Variants in DENND1A observed in about 807,000 individuals in gnomAD.
DENND1A encodes the protein DENN domain containing 1A.
In DENND1A, 51 loss-of-function variants were observed where a neutral mutation model predicts 113.7. The ratio of observed to expected loss-of-function variants is 0.45; its 90% CI spans 0.36 to 0.57. DENND1A has a LOEUF of 0.57. Among genes scored for constraint, DENND1A ranks in the 20% least tolerant of loss-of-function variants. DENND1A has a pLI of 0.00. For synonymous variants in DENND1A, 565 were observed against 570.8 expected (o/e 0.99, Z 0.14); for missense variants, 1,258 against 1,395.9 (o/e 0.90, Z 1.57).
chr9:123,448,420 C>G (rs577254155), intron 18 of DENND1A, among the ~76,000 whole-genome samples: 4 of 152,144 alleles, frequency 2.6e-5, no homozygotes, highest in Admixed American at 2.6e-4. Context: ...GAGAGTGGAT[C>G]TGACCAATGA....
At chr9:123,857,650 C>T (rs1844417375) in intron 2 of DENND1A, among the ~76,000 whole-genome samples, 2 of 152,162 alleles carry the variant, frequency 1.3e-5, no homozygotes, top group African/African-American at 4.8e-5. Flanking sequence ...GATGCTCAAC[C>T]TAAACCTAAT....
chr9:123,860,978 T>A (rs999339885), intron 2 of DENND1A, among the ~76,000 whole-genome samples: 7 of 152,214 alleles, frequency 4.6e-5, no homozygotes, highest in African/African-American at 1.7e-4. Context: ...CCATGAAAAG[T>A]CTACAAAGGG....
chr9:123,767,151 A>G (rs1382958363), intron 4 of DENND1A, among the ~76,000 whole-genome samples: 1 of 152,222 alleles, frequency 6.6e-6, no homozygotes, highest in African/African-American at 2.4e-5. Context: ...AAATTAAGAC[A>G]TTGAAACCTT....
At chr9:123,411,140 C>G (rs1437759782) in intron 20 of DENND1A, among the ~76,000 whole-genome samples, 1 of 151,156 alleles carries the variant, frequency 6.6e-6, no homozygotes, top group African/African-American at 2.4e-5. Flanking sequence ...GTCACCCAGG[C>G]TGGAGTGCAG....
chr9:123,506,321 C>T (rs548931722), intron 13 of DENND1A, among the ~76,000 whole-genome samples: 80 of 152,252 alleles, frequency 5.3e-4, no homozygotes, highest in African/African-American at 1.8e-3. Context: ...CAGTGGCTCA[C>T]GCCTGTAATC....
intron 1 of DENND1A, among the ~76,000 whole-genome samples, chr9:123,916,302 G>T (rs1441535969): frequency 6.6e-6 from 1 of 150,906 alleles, no homozygotes; most frequent in Non-Finnish European, 1.5e-5. Context: ...GGGGCGAAAA[G>T]TATACATGGA....
chr9:123,545,158 C>G (rs925716335), intron 13 of DENND1A, among the ~76,000 whole-genome samples: 1 of 151,990 alleles, frequency 6.6e-6, no homozygotes, highest in Non-Finnish European at 1.5e-5. Flanking sequence ...TGAGCACCTT[C>G]TATGTATCAG....
intron 10 of DENND1A, among the ~76,000 whole-genome samples, chr9:123,621,704 C>T (rs550165999): frequency 2.0e-5 from 3 of 152,228 alleles, no homozygotes; most frequent in Admixed American, 6.5e-5. Flanking sequence ...CTGCTTCCGC[C>T]GCACCACACT....
chr9:123,818,394 G>A lies in DENND1A; in HGVS notation c.89-25764C>T, dbSNP rs558678753. 9.2e-5 allele frequency among the ~76,000 whole-genome samples: 14 copies of A among 151,976 alleles called. No individual in the cohort carries two copies. The East Asian group carries it at 2.5e-3, about 27-fold the overall frequency. ...GCTGGGATTACAGGCGTGAGCCACCGCACCTGGCCTATAGTATTGTTAATA... is the reference window on the plus strand; with the variant it reads ...GCTGGGATTACAGGCGTGAGCCACCACACCTGGCCTATAGTATTGTTAATA... On this transcript the variant is annotated intron_variant, in intron 2 of 23. Coordinates refer to ENST00000394215, the MANE Select transcript of DENND1A (RefSeq NM_001352964.2).
chr9:123,706,537 C>T (rs1164885624), intron 5 of DENND1A, among the ~76,000 whole-genome samples: 15 of 151,396 alleles, frequency 9.9e-5, no homozygotes, highest in African/African-American at 3.2e-4. Flanking sequence ...TTTGGGAGGC[C>T]GAGACGGGCG....
intron 8 of DENND1A, among the ~76,000 whole-genome samples, chr9:123,654,515 A>G (rs1309196674): frequency 6.6e-6 from 1 of 152,192 alleles, no homozygotes; most frequent in African/African-American, 2.4e-5. Context: ...AAAAATCACA[A>G]GGATACTTTT....
chr9:123,391,403 G>C (rs2042836416), intron 21 of DENND1A, among the ~76,000 whole-genome samples: 1 of 152,232 alleles, frequency 6.6e-6, no homozygotes, highest in African/African-American at 2.4e-5. Context: ...AATTTCTCAT[G>C]AATTCTTTAC....
chr9:123,621,901 T>C, intron 10 of DENND1A, among the ~76,000 whole-genome samples: 1 of 152,216 alleles, frequency 6.6e-6, no homozygotes, highest in Admixed American at 6.5e-5. Flanking sequence ...ATGTGGACTG[T>C]GCATCTTTTG....
In DENND1A at chr9:123,632,380, A is replaced by G. The variant is rs114684498; in HGVS notation, c.619-1904T>C. On this transcript the variant is annotated intron_variant, in intron 9 of 23. Transcript: ENST00000394215. ...ATATAAAGGAGGGTGATATAGATAT[A>G]TATATCTCACATACAAAAATACACA... Among the ~76,000 whole-genome samples, 492 of 152,306 alleles carry G rather than the reference A, an allele frequency of 3.2e-3. 4 individuals are homozygous for G. Among genetic ancestry groups the G allele is most frequent in the African/African-American group, 0.011 (474 of 41,544 alleles).
At chr9:123,708,060 T>C (rs1303027320) in intron 5 of DENND1A, among the ~76,000 whole-genome samples, 1 of 152,158 alleles carries the variant, frequency 6.6e-6, no homozygotes, top group African/African-American at 2.4e-5. Context: ...GGTGAAGTTG[T>C]AGGTGGGTGA....
At chr9:123,443,058 A>G (rs2047046413) in intron 18 of DENND1A, among the ~76,000 whole-genome samples, 1 of 152,160 alleles carries the variant, frequency 6.6e-6, no homozygotes, top group Non-Finnish European at 1.5e-5. Context: ...AGTTCCCACA[A>G]TGATCACAAG....
chr9:123,902,369 T>G (rs1490440589), intron 1 of DENND1A, among the ~76,000 whole-genome samples: 1 of 152,210 alleles, frequency 6.6e-6, no homozygotes, highest in African/African-American at 2.4e-5. Flanking sequence ...AAATTTCAGC[T>G]TATTCTGTAA....
At chr9:123,507,062 G>T (rs926893323) in intron 13 of DENND1A, among the ~76,000 whole-genome samples, 1 of 152,106 alleles carries the variant, frequency 6.6e-6, no homozygotes, top group Non-Finnish European at 1.5e-5. Flanking sequence ...GGTGGCACGT[G>T]CCTGTAATCC....
At chr9:123,795,382 C>T (rs1833611271) in intron 2 of DENND1A, among the ~76,000 whole-genome samples, 1 of 152,148 alleles carries the variant, frequency 6.6e-6, no homozygotes. Context: ...ATAATGTCAC[C>T]AAAATATCGA....
Sources: gnomAD v4.1 joint callset for allele counts (sites outside exome capture counted in the v4.1 genomes callset) on GRCh38, gnomAD v4.1.1 for gene constraint, MANE v1.5 for transcripts, NCBI Gene and HGNC (gene_info 2026-07-23, HGNC 2026-07-21) for gene names.